Variants in ZBTB7C observed in about 807,000 individuals in gnomAD.
ZBTB7C encodes the protein zinc finger and BTB domain-containing protein 7C.
A neutral mutation model predicts 25.7 loss-of-function variants in ZBTB7C; 8 were observed. The ratio of observed to expected loss-of-function variants is 0.31; its 90% CI spans 0.18 to 0.56. The LOEUF (loss-of-function observed/expected upper bound fraction) is 0.56. ZBTB7C is among the 20% of genes least tolerant of loss of function. The pLI is 0.91. For synonymous variants in ZBTB7C, 394 were observed against 369.0 expected (o/e 1.07, Z -0.78); for missense variants, 824 against 855.2 (o/e 0.96, Z 0.46).
intron 1 of ZBTB7C, among the ~76,000 whole-genome samples, chr18:48,343,678 G>C (rs2046657267): frequency 6.6e-6 from 1 of 152,192 alleles, no homozygotes; most frequent in South Asian, 2.1e-4. Context: ...TGGGTCGGGA[G>C]TGGTGGATGT....
At chr18:48,365,089 C>T (rs1205800304) in intron 1 of ZBTB7C, among the ~76,000 whole-genome samples, 9 of 152,226 alleles carry the variant, frequency 5.9e-5, no homozygotes, top group Non-Finnish European at 1.2e-4. Flanking sequence ...TTACAAGGAG[C>T]TACAGTTATT....
intron 3 of ZBTB7C, among the ~76,000 whole-genome samples, chr18:48,044,310 T>G (rs1447662504): frequency 6.6e-6 from 1 of 152,174 alleles, no homozygotes; most frequent in Non-Finnish European, 1.5e-5. Flanking sequence ...CAGAGAGAGC[T>G]CTGAGGCCAC....
intron 3 of ZBTB7C, among the ~76,000 whole-genome samples, chr18:48,129,545 T>C (rs1202119056): frequency 1.3e-5 from 2 of 152,042 alleles, no homozygotes; most frequent in African/African-American, 2.4e-5. Flanking sequence ...TTAATCCCTA[T>C]TCAAGTGAAA....
At chr18:48,314,645 C>A (rs1400423225) in intron 2 of ZBTB7C, among the ~76,000 whole-genome samples, 2 of 152,100 alleles carry the variant, frequency 1.3e-5, no homozygotes, top group Non-Finnish European at 2.9e-5. Flanking sequence ...CAATCAGGCA[C>A]AAGACACAGC....
At chr18:48,221,482 G>A (rs2042955614) in intron 2 of ZBTB7C, among the ~76,000 whole-genome samples, 1 of 135,550 alleles carries the variant, frequency 7.4e-6, no homozygotes, top group African/African-American at 2.9e-5. Flanking sequence ...CCTCTATACT[G>A]TCCCTTAGTC....
In ZBTB7C at chr18:48,041,606, G is replaced by A. The variant is rs1285102323; in HGVS notation, c.-16-483C>T. The A allele has an allele frequency of 6.3e-6, 6 of 954,754 alleles. No homozygotes were observed. The African/African-American group carries it at 1.1e-4, about 17-fold the overall frequency. 59.1% of individuals were successfully genotyped at this position (954,754 alleles called of 1,614,324 possible). On this transcript the variant is annotated intron_variant, in intron 3 of 4. Transcript: ENST00000590800. ...CTGTAACAGACTTACACTTTGCACT[G>A]GCTACTAGGAAGCTTAAAACAAATT...
rs74954154 is a variant in ZBTB7C at position 48,303,504 on chromosome 18, A to G, written c.-79+34670T>C. Among the ~76,000 whole-genome samples the G allele has an allele frequency of 8.3e-3, 1,264 of 152,350 alleles. 12 individuals are homozygous for G. The highest frequency in any genetic ancestry group is 0.028 in the African/African-American group (1,158 of 41,582). On this transcript the variant is annotated intron_variant, in intron 2 of 4. Coordinates refer to ENST00000590800, the MANE Select transcript of ZBTB7C (RefSeq NM_001318841.2). ...GACACTACAAGTTCATTCCTTTAGC[A>G]TAAGGTGTTAACACTATCAAATACA...
chr18:48,308,885 C>A (rs2045744337), intron 2 of ZBTB7C, among the ~76,000 whole-genome samples: 1 of 152,104 alleles, frequency 6.6e-6, no homozygotes, highest in Non-Finnish European at 1.5e-5. Flanking sequence ...TCTTACCAAG[C>A]CCTCTGTGTG....
At chr18:48,193,939 G>C (rs1287015003) in intron 2 of ZBTB7C, among the ~76,000 whole-genome samples, 1 of 152,252 alleles carries the variant, frequency 6.6e-6, no homozygotes, top group Non-Finnish European at 1.5e-5. Flanking sequence ...TTCAGAGGGA[G>C]TGGGGGAGGT....
chr18:48,112,737 G>A (rs545792009), intron 3 of ZBTB7C, among the ~76,000 whole-genome samples: 16 of 152,270 alleles, frequency 1.1e-4, no homozygotes, highest in African/African-American at 3.4e-4. Context: ...GTATATGTGC[G>A]GTAAATCCAT....
At chr18:48,137,529 G>A (rs559201106) in intron 3 of ZBTB7C, among the ~76,000 whole-genome samples, 4 of 152,218 alleles carry the variant, frequency 2.6e-5, no homozygotes, top group African/African-American at 9.6e-5. Context: ...TCTTTTTAGA[G>A]GCAATTTATT....
At chr18:48,272,018 T>A (rs1429539160) in intron 2 of ZBTB7C, among the ~76,000 whole-genome samples, 1 of 152,242 alleles carries the variant, frequency 6.6e-6, no homozygotes, top group East Asian at 1.9e-4. Context: ...AACATTCTCA[T>A]TAGTTGCAAA....
intron 1 of ZBTB7C, among the ~76,000 whole-genome samples, chr18:48,352,395 C>T (rs1347308395): frequency 3.3e-5 from 5 of 152,224 alleles, no homozygotes; most frequent in African/African-American, 1.2e-4. Context: ...CCGCAGTATT[C>T]CAACAGGGCT....
rs550650520 is a variant in ZBTB7C at position 48,160,311 on chromosome 18, G to C, written c.-17+25623C>G. Reference sequence around the variant, plus strand: ...TGAGGGCTTGTTCATGCATCTCACCGGTATCTACTGAGCAACTACTCTGTG... The same window carrying C: ...TGAGGGCTTGTTCATGCATCTCACCCGTATCTACTGAGCAACTACTCTGTG... On this transcript the variant is annotated intron_variant, in intron 3 of 4. Coordinates refer to ENST00000590800, the MANE Select transcript of ZBTB7C (RefSeq NM_001318841.2). Among the ~76,000 whole-genome samples the C allele has an allele frequency of 2.0e-5, 3 of 152,280 alleles. 1 individual carries two copies. In the East Asian group the frequency reaches 5.8e-4, roughly 29 times the overall value.
At chr18:48,123,520 T>C (rs966222354) in intron 3 of ZBTB7C, among the ~76,000 whole-genome samples, 1 of 152,192 alleles carries the variant, frequency 6.6e-6, no homozygotes, top group African/African-American at 2.4e-5. Flanking sequence ...GAGGTCCCTG[T>C]GGGGTTGGCA....
intron 3 of ZBTB7C, among the ~76,000 whole-genome samples, chr18:48,183,983 T>C (rs1036939930): frequency 3.9e-5 from 6 of 152,090 alleles, no homozygotes; most frequent in African/African-American, 1.4e-4. Flanking sequence ...ATACATCACA[T>C]CCCACTGAAA....
At chr18:48,298,006 C>A (rs956645743) in intron 2 of ZBTB7C, among the ~76,000 whole-genome samples, 1 of 152,108 alleles carries the variant, frequency 6.6e-6, no homozygotes, top group Non-Finnish European at 1.5e-5. Flanking sequence ...TGAGGCCGGG[C>A]GCAGTGGCTC....
At chr18:48,313,338 A>T (rs1414393943) in intron 2 of ZBTB7C, among the ~76,000 whole-genome samples, 10 of 152,200 alleles carry the variant, frequency 6.6e-5, no homozygotes, top group Admixed American at 5.2e-4. Context: ...AGAAGTTGCT[A>T]AGAGTGAGCC....
chr18:48,390,293 C>T (rs1053143710), intron 1 of ZBTB7C, among the ~76,000 whole-genome samples: 2 of 152,076 alleles, frequency 1.3e-5, no homozygotes, highest in African/African-American at 4.8e-5. Context: ...AATCATACCC[C>T]CAAAAGTATC....
Sources: gnomAD v4.1 joint callset for allele counts (sites outside exome capture counted in the v4.1 genomes callset) on GRCh38, gnomAD v4.1.1 for gene constraint, MANE v1.5 for transcripts, NCBI Gene and HGNC (gene_info 2026-07-23, HGNC 2026-07-21) for gene names.